METTL15: variants seen among roughly 807,000 people sequenced by gnomAD.
The protein encoded by METTL15 is 12S rRNA N(4)-cytidine methyltransferase METTL15.
Under a neutral mutation model 38.3 loss-of-function variants are expected in METTL15, and 34 were observed. The observed-to-expected ratio is 0.89, with a 90% CI of 0.68 to 1.18. The LOEUF is 1.18. Ranked by LOEUF, METTL15 falls within the 50% of genes most tolerant of loss-of-function variation. The probability of loss-of-function intolerance (pLI) is 0.00; values close to 1 mark genes in which losing one functional copy is unlikely to be tolerated. For synonymous variants in METTL15, 162 were observed against 170.9 expected (o/e 0.95, Z 0.41); for missense variants, 438 against 498.4 (o/e 0.88, Z 1.15).
chr11:28,214,323 C>A (rs986887150), intron 4 of METTL15, among the ~76,000 whole-genome samples: 3 of 152,120 alleles, frequency 2.0e-5, no homozygotes, highest in African/African-American at 4.8e-5. Flanking sequence ...CATGAGCCAC[C>A]ATGCCTGGCC....
intron 5 of METTL15, among the ~76,000 whole-genome samples, chr11:28,291,229 T>C (rs569495675): frequency 5.9e-5 from 9 of 152,076 alleles, no homozygotes; most frequent in African/African-American, 1.9e-4. Context: ...TTTGTATTAG[T>C]AGAGACGGAG....
At chr11:28,364,891 A>G (rs1201334351) in intron 5 of METTL15, among the ~76,000 whole-genome samples, 1 of 152,170 alleles carries the variant, frequency 6.6e-6, no homozygotes, top group African/African-American at 2.4e-5. Context: ...CATGAAGGAA[A>G]GCTGGATTTT....
chr11:28,333,745 TATATG>T (rs1223292405), downstream of METTL15, among the ~76,000 whole-genome samples: 37 of 152,102 alleles, frequency 2.4e-4, no homozygotes, highest in Non-Finnish European at 4.9e-4. Flanking sequence ...TTTCATGTAG[TATATG>T]ATATATTATT....
At chr11:28,430,048 G>A (rs912541525) in intron 6 of METTL15, among the ~76,000 whole-genome samples, 2 of 137,440 alleles carry the variant, frequency 1.5e-5, no homozygotes, top group East Asian at 2.4e-4. Context: ...GCCCGGCCGA[G>A]ACCCCATCTG....
At chr11:28,426,983 G>A (rs986322034) in intron 6 of METTL15, among the ~76,000 whole-genome samples, 4 of 151,976 alleles carry the variant, frequency 2.6e-5, no homozygotes, top group African/African-American at 9.7e-5. Context: ...AATTGCTTTC[G>A]ATGTTTTCGT....
At chr11:28,515,176 G>A (rs1194477843) in intron 6 of METTL15, among the ~76,000 whole-genome samples, 1 of 152,176 alleles carries the variant, frequency 6.6e-6, no homozygotes, top group Non-Finnish European at 1.5e-5. Context: ...GATTCTAGGA[G>A]CCAGAAAGGG....
At chr11:28,208,721 CTTATTA>C (rs955069444) in intron 3 of METTL15, among the ~76,000 whole-genome samples, 26 of 152,070 alleles carry the variant, frequency 1.7e-4, no homozygotes, top group Admixed American at 1.2e-3. Context: ...GTTAAAGTCT[CTTATTA>C]TTATTCAGTT....
chr11:28,244,562 A>G (rs932230409), intron 4 of METTL15, among the ~76,000 whole-genome samples: 1 of 152,068 alleles, frequency 6.6e-6, no homozygotes, highest in Non-Finnish European at 1.5e-5. Context: ...TGTTTTTGGT[A>G]TGGCTCAGGA....
At chr11:28,246,049 C>T (rs144776725) in intron 4 of METTL15, among the ~76,000 whole-genome samples, 8 of 151,914 alleles carry the variant, frequency 5.3e-5, no homozygotes, top group Admixed American at 1.3e-4. Flanking sequence ...TTATTTCTGG[C>T]GAGGCGGCGA....
intron 5 of METTL15, among the ~76,000 whole-genome samples, chr11:28,389,744 C>T (rs1315140168): frequency 1.3e-5 from 2 of 151,580 alleles, no homozygotes; most frequent in African/African-American, 4.8e-5. Flanking sequence ...TGGGTATATA[C>T]CCAGTAATGG....
At chr11:28,245,580 A>T (rs1279119540) in intron 4 of METTL15, among the ~76,000 whole-genome samples, 1 of 152,196 alleles carries the variant, frequency 6.6e-6, no homozygotes, top group Non-Finnish European at 1.5e-5. Flanking sequence ...AAAGTTGTGC[A>T]GTGTCTAACA....
intron 3 of METTL15, among the ~76,000 whole-genome samples, chr11:28,185,134 TTATA>T (rs1851448519): frequency 6.6e-6 from 1 of 151,558 alleles, no homozygotes; most frequent in Admixed American, 6.6e-5. Context: ...GTCCCTTAAA[TTATA>T]TATAAACTCT....
At chr11:28,206,060 C>G (rs1224038260) in intron 3 of METTL15, among the ~76,000 whole-genome samples, 2 of 143,900 alleles carry the variant, frequency 1.4e-5, no homozygotes, top group African/African-American at 5.4e-5. Flanking sequence ...TGTAGGTTGC[C>G]TGTTCACTCT....
At chr11:28,254,983 T>C (rs183694436) in intron 4 of METTL15, among the ~76,000 whole-genome samples, 5 of 152,276 alleles carry the variant, frequency 3.3e-5, no homozygotes, top group Non-Finnish European at 5.9e-5. Context: ...TTAGGATTGT[T>C]TTTTTCTATT....
intron 5 of METTL15, among the ~76,000 whole-genome samples, chr11:28,408,229 G>T (rs1343234707): frequency 3.3e-5 from 5 of 152,150 alleles, no homozygotes; most frequent in African/African-American, 1.2e-4. Flanking sequence ...TCGGTGATGA[G>T]TTGATAGGCG....
At position 28,524,232 on chromosome 11, in the gene METTL15, A is replaced by G. The variant is rs1399617245; in HGVS notation, c.*425-2246A>G. Among the ~76,000 whole-genome samples the G allele has an allele frequency of 2.0e-5, 3 of 152,248 alleles. No homozygotes were observed. The East Asian group carries it at 5.8e-4, about 29-fold the overall frequency. ...GAAAATCACTTCAAGACCATGAACGATAATAGATGAAATCTAAAGAGGTTT... is the reference window on the plus strand; with the variant it reads ...GAAAATCACTTCAAGACCATGAACGGTAATAGATGAAATCTAAAGAGGTTT... On this transcript the variant is annotated intron_variant and NMD_transcript_variant, in intron 6 of 7. Coordinates refer to the METTL15 transcript ENST00000532947.
chr11:28,186,664 T>G (rs937632373), intron 3 of METTL15, among the ~76,000 whole-genome samples: 1 of 151,220 alleles, frequency 6.6e-6, no homozygotes, highest in Admixed American at 6.6e-5. Context: ...AACTTGATCA[T>G]ATTTAGTTTG....
chr11:28,466,460 CAA>C (rs1435937281), intron 6 of METTL15, among the ~76,000 whole-genome samples: 1 of 152,186 alleles, frequency 6.6e-6, no homozygotes, highest in African/African-American at 2.4e-5. Context: ...CATCAGTTAA[CAA>C]GAGAAGCACA....
At chr11:28,380,168 C>CTTTTTTTTTTTTTTTTTTTTTT (rs34704753) in intron 5 of METTL15, among the ~76,000 whole-genome samples, 1 of 124,088 alleles carries the variant, frequency 8.1e-6, no homozygotes. Flanking sequence ...CCACTTTATG[C>CTTTTTTTTTTTTTTTTTTTTTT]TTTTTTTTTT....
Sources: allele counts gnomAD v4.1 joint callset (sites outside exome capture counted in the v4.1 genomes callset), GRCh38; gene constraint gnomAD v4.1.1; transcripts MANE v1.5; gene names NCBI Gene and HGNC (gene_info 2026-07-23, HGNC 2026-07-21).